The following SNRPN variants were observed in gnomAD, a reference collection of about 807,000 sequenced individuals.
SNRPN encodes the protein small nuclear ribonucleoprotein-associated protein N.
In SNRPN, 7 loss-of-function variants were observed where a neutral mutation model predicts 25.2. That is an observed-to-expected ratio of 0.28 (90% CI 0.16 to 0.52). The LOEUF (loss-of-function observed/expected upper bound fraction) is 0.52. SNRPN is among the 20% of genes least tolerant of loss of function. The pLI is 0.96. For missense variants in SNRPN, 196 were observed against 322.5 expected, an observed-to-expected ratio of 0.61 and a Z score of 3.00; for synonymous variants, 124 against 110.6, an observed-to-expected ratio of 1.12 and a Z score of -0.76.
chr15:24,886,391 C>T (rs1209609094), intron 1 of SNRPN: 1 of 152,208 alleles, frequency 6.6e-6, no homozygotes, highest in Non-Finnish European at 1.5e-5. Context: ...AGAGTTGAGT[C>T]TCACTCTCTC....
At chr15:24,855,247 T>C (rs145748190), upstream of SNRPN, among the ~76,000 whole-genome samples, 1 of 152,328 alleles carries the variant, frequency 6.6e-6, no homozygotes, top group East Asian at 1.9e-4. Context: ...AAATACTACA[T>C]TCATTTGTAT....
At chr15:24,879,201 G>A (rs1342763814) in intron 1 of SNRPN, among the ~76,000 whole-genome samples, 4 of 152,078 alleles carry the variant, frequency 2.6e-5, no homozygotes. Flanking sequence ...TTGGGCGGCC[G>A]AGGCAGGCAG....
chr15:24,978,513 G>A lies in SNRPN; in HGVS notation c.*69G>A. ...TCTTGTGAAATTGTGTAGAGTGTTT[G>A]TGAGCTTTTTGTTCCCTCATTCTGC... On this transcript the variant is annotated 3_prime_UTR_variant, in exon 10 of 10. Transcript: ENST00000390687. 3 of 1,427,926 alleles carry A rather than the reference G, an allele frequency of 2.1e-6. No individual in the cohort carries two copies. The highest frequency in any genetic ancestry group is 3.0e-6 in the Non-Finnish European group (3 of 1,013,758). The allele number at this position is 1,427,926 out of a possible 1,614,324, so 88.5% of individuals were successfully genotyped here.
chr15:24,918,036 G>C (rs1161545839), intron 2 of SNRPN, among the ~76,000 whole-genome samples: 2 of 151,940 alleles, frequency 1.3e-5, no homozygotes, highest in Non-Finnish European at 2.9e-5. Flanking sequence ...ATATTGTGTT[G>C]TCTTTAATTT....
At position 24,888,926 on chromosome 15, in the gene SNRPN, A is replaced by AT. The variant is rs35357760; in HGVS notation, c.-505+2346dup. 5.6e-3 allele frequency among the ~76,000 whole-genome samples: 850 copies of AT among 150,476 alleles called. 6 individuals carry two copies. The highest frequency in any genetic ancestry group is 0.016 in the African/African-American group (675 of 41,068). The stretch of plus-strand genomic sequence containing the variant: ...TGTGAGAAGTTTCTTTTCTTTTTTT[A>AT]TTTTTTTTTGAGACAGAGTCTCGCT... On this transcript the variant is annotated intron_variant, in intron 2 of 11. Coordinates refer to the SNRPN transcript ENST00000400097.
chr15:24,912,053 A>C (rs1566901838), intron 2 of SNRPN, among the ~76,000 whole-genome samples: 2 of 152,336 alleles, frequency 1.3e-5, no homozygotes, highest in South Asian at 4.1e-4. Context: ...GAATCAAAAA[A>C]GCTGACTCTC....
intron 1 of SNRPN, among the ~76,000 whole-genome samples, chr15:24,878,264 C>G (rs1323978214): frequency 6.6e-6 from 1 of 152,224 alleles, no homozygotes; most frequent in African/African-American, 2.4e-5. Context: ...CCCCACGGGT[C>G]TCACTGCTAC....
intron 3 of SNRPN, among the ~76,000 whole-genome samples, chr15:24,970,689 T>C (rs1190864412): frequency 6.6e-6 from 1 of 152,178 alleles, no homozygotes; most frequent in African/African-American, 2.4e-5. Context: ...GGGTGTAATA[T>C]TAGTATGACT....
At chr15:24,833,155 G>T (rs1237678442) in intron 2 of SNRPN, among the ~76,000 whole-genome samples, 1 of 142,550 alleles carries the variant, frequency 7.0e-6, no homozygotes, top group Non-Finnish European at 1.5e-5. Context: ...GAGTAGAAAT[G>T]ATGAGAATGA....
chr15:24,835,125 AAT>A (rs372077126), intron 2 of SNRPN, among the ~76,000 whole-genome samples: 1 of 60,762 alleles, frequency 1.6e-5, no homozygotes, highest in African/African-American at 4.8e-5. Flanking sequence ...CTATATATAA[AAT>A]ATATAGATAT....
At chr15:24,866,485 C>T (rs556897371) in intron 1 of SNRPN, among the ~76,000 whole-genome samples, 1 of 151,740 alleles carries the variant, frequency 6.6e-6, no homozygotes, top group South Asian at 2.1e-4. Flanking sequence ...GCAGTGTAGA[C>T]CTCCTGAGCT....
upstream of SNRPN, among the ~76,000 whole-genome samples, chr15:24,954,528 G>T (rs2062532261): frequency 6.6e-6 from 1 of 152,180 alleles, no homozygotes; most frequent in South Asian, 2.1e-4. Flanking sequence ...TGCTTTTAGA[G>T]TTAGGGATAT....
At chr15:24,881,616 AG>A (rs1566864608) in intron 1 of SNRPN, among the ~76,000 whole-genome samples, 3 of 78,122 alleles carry the variant, frequency 3.8e-5, no homozygotes, top group African/African-American at 5.7e-5. Flanking sequence ...AGAGAGAGAG[AG>A]AGAAAGTCAC....
chr15:24,891,496 G>T lies in SNRPN; in HGVS notation c.-505+4907G>T, dbSNP rs183699981. ...TGTGTTGCCCAGGCTGGAGTGCAAT[G>T]GCGCAATCTCAGCTCACTGCAACTT... On this transcript the variant is annotated intron_variant, in intron 2 of 11. Transcript: ENST00000400097. Among the ~76,000 whole-genome samples the T allele has an allele frequency of 9.7e-3, 1,475 of 151,534 alleles. 27 individuals are homozygous for T. Among genetic ancestry groups the T allele is most frequent in the African/African-American group, 0.034 (1,412 of 41,268 alleles).
upstream of SNRPN, chr15:24,954,847 C>G (rs531742598): frequency 1.4e-6 from 1 of 692,634 alleles, no homozygotes; most frequent in Non-Finnish European, 2.4e-6. Context: ...CCCCTCCCCC[C>G]AGGTCATTCC....
intron 1 of SNRPN, among the ~76,000 whole-genome samples, chr15:24,828,898 G>A (rs1337211927): frequency 2.6e-5 from 4 of 152,106 alleles, no homozygotes; most frequent in Non-Finnish European, 5.9e-5. Flanking sequence ...TGGCCCAGGG[G>A]AGGGGCTAAG....
In SNRPN at chr15:24,889,250, T is replaced by A. The variant is rs116809041; in HGVS notation, c.-505+2661T>A. 9.5e-3 allele frequency among the ~76,000 whole-genome samples: 1,436 copies of A among 151,224 alleles called. 28 individuals are homozygous for A. Among genetic ancestry groups the A allele is most frequent in the African/African-American group, 0.033 (1,380 of 41,270 alleles). ...TTCTTATACTAGAAGAAAAAGAAAA[T>A]TTGATTTATTTTAAAATATAATGGT... is the stretch of plus-strand genomic sequence containing the variant. On this transcript the variant is annotated intron_variant, in intron 2 of 11. Transcript: ENST00000400097.
chr15:24,930,620 A>C lies in SNRPN; in HGVS notation c.-391+10496A>C, dbSNP rs546043263. The stretch of plus-strand genomic sequence containing the variant: ...AAAAAAAAAAAAAAAGTCTGGGTGC[A>C]GTGGCTCACGCCTGTAATCCCAGTA... On this transcript the variant is annotated intron_variant, in intron 3 of 11. Coordinates refer to the SNRPN transcript ENST00000400097. Among the ~76,000 whole-genome samples, 322 of 141,544 alleles carry C rather than the reference A, an allele frequency of 2.3e-3. 1 individual carries two copies. Among genetic ancestry groups the C allele is most frequent in the Non-Finnish European group, 4.0e-3 (258 of 64,512 alleles). 92.9% of individuals were successfully genotyped at this position (141,544 alleles called of 152,430 possible).
upstream of SNRPN, among the ~76,000 whole-genome samples, chr15:24,950,550 T>C (rs1207861554): frequency 4.1e-5 from 6 of 146,478 alleles, no homozygotes; most frequent in African/African-American, 7.7e-5. Context: ...ATTTCTTTTT[T>C]TTTTTTTTTT....
Sources: gnomAD v4.1 joint callset for allele counts (sites outside exome capture counted in the v4.1 genomes callset) on GRCh38, gnomAD v4.1.1 for gene constraint, MANE v1.5 for transcripts, NCBI Gene and HGNC (gene_info 2026-07-23, HGNC 2026-07-21) for gene names.